ACYP2: variants seen among roughly 807,000 people sequenced by gnomAD.
ACYP2 encodes acylphosphatase-2.
In ACYP2, 12 loss-of-function variants were observed where a neutral mutation model predicts 11.2. The ratio of observed to expected loss-of-function variants is 1.08; its 90% confidence interval spans 0.69 to 1.74. The LOEUF is 1.74. ACYP2 is among the 40% of genes most tolerant of loss of function. ACYP2 has a pLI of 0.00. For synonymous variants in ACYP2, 43 were observed against 32.2 expected (o/e 1.33, Z -1.13); for missense variants, 134 against 101.9 (o/e 1.31, Z -1.35).
intron 2 of ACYP2, among the ~76,000 whole-genome samples, chr2:54,006,421 A>G (rs1439533449): frequency 6.6e-6 from 1 of 152,078 alleles, no homozygotes; most frequent in Admixed American, 6.6e-5. Context: ...TGCTGGGATT[A>G]CAGGCATGAG....
intron 6 of ACYP2, among the ~76,000 whole-genome samples, chr2:54,283,964 T>G (rs991023744): frequency 6.6e-6 from 1 of 152,020 alleles, no homozygotes; most frequent in Admixed American, 6.5e-5. Context: ...AAAATACAAA[T>G]ATTAGCTGGG....
At position 54,235,886 on chromosome 2, in the gene ACYP2, G is replaced by A. The variant is rs115817918; in HGVS notation, c.405-68802G>A. ...AAAACTCTATAAGCTCTGTAGTGAC[G>A]TTTCCTCTTTTATTTCTGATATTGG... On this transcript the variant is annotated intron_variant, in intron 6 of 6. Coordinates refer to ENST00000607452, the MANE Select transcript of ACYP2 (RefSeq NM_001320586.2). Among the ~76,000 whole-genome samples, 424 of 152,152 alleles carry A rather than the reference G, an allele frequency of 2.8e-3. 3 individuals carry two copies. Among genetic ancestry groups the A allele is most frequent in the African/African-American group, 9.6e-3 (397 of 41,522 alleles).
intron 6 of ACYP2, among the ~76,000 whole-genome samples, chr2:54,294,553 C>A (rs143967668): frequency 6.6e-6 from 1 of 152,268 alleles, no homozygotes; most frequent in East Asian, 1.9e-4. Context: ...AGAAAAACTT[C>A]ACTTGTCTAC....
At chr2:54,009,504 G>A (rs921060570) in intron 2 of ACYP2, among the ~76,000 whole-genome samples, 5 of 152,162 alleles carry the variant, frequency 3.3e-5, no homozygotes, top group Non-Finnish European at 7.3e-5. Context: ...TACCCAGGAG[G>A]TGGAGGTTGC....
chr2:54,125,655 C>T (rs55677912), intron 4 of ACYP2, among the ~76,000 whole-genome samples: 2,044 of 152,140 alleles, frequency 0.013, 54 homozygotes, highest in African/African-American at 0.047. Context: ...GAGGCTGAGG[C>T]AGGAGAATTG....
rs148531521 is a variant in ACYP2 at position 54,011,182 on chromosome 2, A to T, written c.62+37372A>T. ...AGCTTAAATATCCAAGTAATCAGTTATAAGAATACACAGGAAATAATATAA... is the reference window on the plus strand; with the variant it reads ...AGCTTAAATATCCAAGTAATCAGTTTTAAGAATACACAGGAAATAATATAA... On this transcript the variant is annotated intron_variant, in intron 2 of 6. Transcript: ENST00000607452. 2.0e-3 allele frequency among the ~76,000 whole-genome samples: 311 copies of T among 152,326 alleles called. 2 individuals are homozygous for T. Among genetic ancestry groups the T allele is most frequent in the African/African-American group, 6.6e-3 (275 of 41,572 alleles).
intron 4 of ACYP2, among the ~76,000 whole-genome samples, chr2:54,106,803 T>G (rs1322786761): frequency 1.3e-5 from 2 of 152,158 alleles, no homozygotes; most frequent in Admixed American, 1.3e-4. Context: ...CAGGCTGGTC[T>G]TGAAGTCCTG....
At chr2:54,244,538 T>C (rs148999808) in intron 6 of ACYP2, among the ~76,000 whole-genome samples, 156 of 152,306 alleles carry the variant, frequency 1.0e-3, no homozygotes, top group African/African-American at 3.7e-3. Context: ...TTAGATACCC[T>C]GTGTATCATA....
chr2:54,192,455 CT>C (rs1234053498), intron 6 of ACYP2, among the ~76,000 whole-genome samples: 1 of 152,032 alleles, frequency 6.6e-6, no homozygotes, highest in Non-Finnish European at 1.5e-5. Flanking sequence ...AATTACTAGT[CT>C]GTGAAATCCG....
chr2:54,170,660 C>A (rs1683187139), intron 6 of ACYP2, among the ~76,000 whole-genome samples: 1 of 151,448 alleles, frequency 6.6e-6, no homozygotes, highest in Non-Finnish European at 1.5e-5. Flanking sequence ...ATCTTGTGGG[C>A]AGGGATTGTA....
At chr2:54,098,140 A>G (rs1192449419) in intron 4 of ACYP2, among the ~76,000 whole-genome samples, 1 of 151,388 alleles carries the variant, frequency 6.6e-6, no homozygotes, top group Non-Finnish European at 1.5e-5. Context: ...TTTTTTAAAA[A>G]TTATTTTTAG....
At chr2:54,255,913 C>G in intron 6 of ACYP2, 1 of 1,614,142 alleles carries the variant, frequency 6.2e-7, no homozygotes, top group Admixed American at 1.7e-5. Flanking sequence ...GGCTCCATGA[C>G]TGCGACCCGC....
At chr2:54,193,209 C>T (rs1444939123) in intron 6 of ACYP2, among the ~76,000 whole-genome samples, 1 of 152,146 alleles carries the variant, frequency 6.6e-6, no homozygotes, top group Non-Finnish European at 1.5e-5. Context: ...CCCTGTTTGT[C>T]AAGTACCGTA....
chr2:54,223,203 A>G (rs1488418161), intron 6 of ACYP2: 1 of 152,172 alleles, frequency 6.6e-6, no homozygotes, highest in African/African-American at 2.4e-5. Flanking sequence ...CTCAATTTTA[A>G]TTTTTAAAAT....
At chr2:54,284,571 CTT>C (rs1307294716) in intron 6 of ACYP2, among the ~76,000 whole-genome samples, 2 of 152,138 alleles carry the variant, frequency 1.3e-5, no homozygotes, top group African/African-American at 4.8e-5. Flanking sequence ...TTATTGCTCT[CTT>C]TCACATCATC....
intron 4 of ACYP2, among the ~76,000 whole-genome samples, chr2:54,072,711 TGC>T (rs1363999645): frequency 6.6e-6 from 1 of 151,924 alleles, no homozygotes; most frequent in African/African-American, 2.4e-5. Flanking sequence ...TACAGGCACG[TGC>T]CACTGTGCCA....
chr2:54,197,181 G>A (rs1684524947), intron 6 of ACYP2, among the ~76,000 whole-genome samples: 1 of 152,150 alleles, frequency 6.6e-6, no homozygotes, highest in African/African-American at 2.4e-5. Context: ...TGATGGAGAG[G>A]GGAGAATGAA....
At chr2:54,148,854 T>C (rs1196412226) in intron 6 of ACYP2, among the ~76,000 whole-genome samples, 2 of 152,242 alleles carry the variant, frequency 1.3e-5, no homozygotes, top group African/African-American at 4.8e-5. Context: ...ATAAGAGATG[T>C]TGCAAAAATA....
At chr2:54,184,664 C>T (rs953987708) in intron 6 of ACYP2, among the ~76,000 whole-genome samples, 3 of 151,814 alleles carry the variant, frequency 2.0e-5, no homozygotes, top group Admixed American at 6.6e-5. Context: ...ATTAAATAAA[C>T]GAATGTGGTA....
Sources: gnomAD v4.1 joint callset for allele counts (sites outside exome capture counted in the v4.1 genomes callset) on GRCh38, gnomAD v4.1.1 for gene constraint, MANE v1.5 for transcripts, NCBI Gene and HGNC (gene_info 2026-07-23, HGNC 2026-07-21) for gene names.